IFNAR2: variants seen among roughly 807,000 people sequenced by gnomAD.
The protein encoded by IFNAR2 is interferon alpha and beta receptor subunit 2.
IFNAR2 carries 30 observed loss-of-function variants against 49.4 expected under a neutral mutation model. The ratio of observed to expected loss-of-function variants is 0.61; its 90% CI spans 0.45 to 0.82. IFNAR2 has a LOEUF of 0.82. IFNAR2 is among the 40% of genes least tolerant of loss of function. The pLI is 0.00. For missense variants in IFNAR2, 600 were observed against 622.7 expected (o/e 0.96, Z 0.39); for synonymous variants, 224 against 234.5 (o/e 0.96, Z 0.41).
intron 3 of IFNAR2, 59 bp downstream of exon 3, chr21:33,243,773 C>A: frequency 8.7e-7 from 1 of 1,154,506 alleles, no homozygotes; most frequent in Non-Finnish European, 1.3e-6. Context: ...GTTGGGGCAA[C>A]CATTCAGAGG....
chr21:33,244,883 G>C, intron 3 of IFNAR2, 68 bp from the exon 4 acceptor site: 1 of 1,538,684 alleles, frequency 6.5e-7, no homozygotes, highest in Non-Finnish European at 9.0e-7. Flanking sequence ...CCCAAGAAAT[G>C]ACTGAACAGT....
chr21:33,244,845 T>C (rs1308509864), intron 3 of IFNAR2, 106 bp from the exon 4 acceptor site: 1 of 1,043,694 alleles, frequency 9.6e-7, no homozygotes, highest in African/African-American at 1.6e-5. Flanking sequence ...TCTGGAGAGG[T>C]TATCTGCCAG....
At chr21:33,235,865 G>T (rs937065294) in intron 1 of IFNAR2, among the ~76,000 whole-genome samples, 4 of 152,270 alleles carry the variant, frequency 2.6e-5, no homozygotes, top group Non-Finnish European at 5.9e-5. Context: ...GGCGGAGCTT[G>T]CAGTGAGCCA....
chr21:33,229,957 G>A lies in IFNAR2; in HGVS notation c.-343G>A. 1.0e-6 allele frequency: 1 copy of A among 983,930 alleles called. No homozygotes were observed. The highest frequency in any genetic ancestry group is 1.2e-6 in the Non-Finnish European group (1 of 829,436). 60.9% of individuals were successfully genotyped at this position (983,930 alleles called of 1,614,324 possible). A position where few individuals can be genotyped will look rare whatever the true frequency, so the allele number is the denominator to read the frequency against. On this transcript the variant is annotated 5_prime_UTR_variant, in exon 1 of 9. Transcript: ENST00000342136. Reference sequence around the variant, plus strand: ...GCTTCCGTATCGCTCCTCGTAGGCCGGGGCTCGGCGCGCGCACCCGCACTA... The same window carrying A: ...GCTTCCGTATCGCTCCTCGTAGGCCAGGGCTCGGCGCGCGCACCCGCACTA...
At chr21:33,253,301 T>G (rs1987989007) in intron 7 of IFNAR2, among the ~76,000 whole-genome samples, 1 of 152,238 alleles carries the variant, frequency 6.6e-6, no homozygotes, top group Middle Eastern at 3.4e-3. Flanking sequence ...TACGAGAAAA[T>G]CACTGATGAA....
chr21:33,258,488 C>T (rs1988360026), intron 7 of IFNAR2, among the ~76,000 whole-genome samples: 1 of 152,202 alleles, frequency 6.6e-6, no homozygotes, highest in Non-Finnish European at 1.5e-5. Context: ...GTCCTGCCAA[C>T]ATCTTGATAT....
chr21:33,245,564 A>G (rs910167496), intron 4 of IFNAR2, among the ~76,000 whole-genome samples: 2 of 152,250 alleles, frequency 1.3e-5, no homozygotes, highest in African/African-American at 4.8e-5. Context: ...GTCACTAACC[A>G]GCTTGACACT....
At chr21:33,231,073 T>TC in intron 1 of IFNAR2, among the ~76,000 whole-genome samples, 1 of 152,224 alleles carries the variant, frequency 6.6e-6, no homozygotes, top group East Asian at 1.9e-4. Flanking sequence ...TGCTTGGGCG[T>TC]TGATTCAGTG....
At chr21:33,256,992 T>C (rs1988250100) in intron 7 of IFNAR2, among the ~76,000 whole-genome samples, 1 of 152,154 alleles carries the variant, frequency 6.6e-6, no homozygotes, top group South Asian at 2.1e-4. Flanking sequence ...GAATTCATAT[T>C]CAAGTGTGAT....
chr21:33,232,229 C>T (rs971775642), intron 1 of IFNAR2, among the ~76,000 whole-genome samples: 1 of 152,096 alleles, frequency 6.6e-6, no homozygotes, highest in African/African-American at 2.4e-5. Context: ...TGAGTTAGAG[C>T]AGAGCTTGAC....
rs1342911212 is a variant in IFNAR2, at chr21:33,263,089, G to A, written c.1137G>A (p.Thr379=). ...CTGAGGTTGATGTGGAGCTCCCCAC[G>A]ATGCCAAAGGACAGCCCTCAGCAGT... ...DLPEVDVELP[T]MPKDSPQQLE... The change falls in exon 9 of 9, where the codon ACG becomes ACA. Residue 379 remains threonine (T), a synonymous_variant. Transcript: ENST00000342136. The A allele has an allele frequency of 4.3e-6, 7 of 1,614,016 alleles. No individual in the cohort carries two copies. Among genetic ancestry groups the A allele is most frequent in the East Asian group, 2.2e-5 (1 of 44,898 alleles).
At position 33,244,943 on chromosome 21, in the gene IFNAR2, C is replaced by T. The variant is rs764125585; in HGVS notation, c.98-8C>T. ...AAATTTCAATGCCCTTTTTCTTCTT[C>T]TCTTTAGATTACACAGATGAATCTT... is the stretch of plus-strand genomic sequence containing the variant. On this transcript the variant is annotated splice_region_variant and splice_polypyrimidine_tract_variant and intron_variant, in intron 3 of 8. Coordinates refer to ENST00000342136, the MANE Select transcript of IFNAR2 (RefSeq NM_001289125.3). 8.1e-6 allele frequency: 13 copies of T among 1,610,106 alleles called. No homozygotes were observed. The highest frequency in any genetic ancestry group is 1.1e-5 in the Non-Finnish European group (13 of 1,177,336).
At chr21:33,260,467 A>T (rs1988486864) in intron 7 of IFNAR2, 130 bp from the exon 8 acceptor site, 1 of 730,374 alleles carries the variant, frequency 1.4e-6, no homozygotes, top group Non-Finnish European at 2.1e-6. Flanking sequence ...GTATTTCTCA[A>T]TATAAAACTG....
At chr21:33,235,799 G>A (rs17860143) in intron 1 of IFNAR2, among the ~76,000 whole-genome samples, 15,556 of 152,054 alleles carry the variant, frequency 0.1, 862 homozygotes, top group African/African-American at 0.13. Context: ...GGTGGCGGGC[G>A]CCTGTAGTCC....
chr21:33,257,831 G>A (rs1262267968), intron 7 of IFNAR2, among the ~76,000 whole-genome samples: 4 of 152,108 alleles, frequency 2.6e-5, no homozygotes, highest in Non-Finnish European at 5.9e-5. Flanking sequence ...ACATGGGCAG[G>A]CCACCCACAG....
chr21:33,240,963 T>C (rs1456150098), intron 1 of IFNAR2, among the ~76,000 whole-genome samples: 1 of 152,194 alleles, frequency 6.6e-6, no homozygotes, highest in South Asian at 2.1e-4. Flanking sequence ...CATGTTCTTA[T>C]AAGTGGGAGC....
intron 3 of IFNAR2, 113 bp downstream of exon 3, chr21:33,243,827 C>T: frequency 2.4e-6 from 2 of 829,632 alleles, no homozygotes; most frequent in Admixed American, 1.8e-5. Context: ...CATCTGTTGC[C>T]TGTTTTATTG....
In IFNAR2 at chr21:33,230,173, C is replaced by G; in HGVS notation, c.-127C>G. 1 of 1,005,522 alleles carries G rather than the reference C, an allele frequency of 9.9e-7. No homozygotes were observed. Among genetic ancestry groups the G allele is most frequent in the Non-Finnish European group, 1.2e-6 (1 of 840,646 alleles). 62.3% of individuals were successfully genotyped at this position (1,005,522 alleles called of 1,614,324 possible). ...CCCAGAGCCGGGCGCGGCTGGGGCCCGAGGCTAGCATCTCTCGGGAGCCGC... is the reference window on the plus strand; with the variant it reads ...CCCAGAGCCGGGCGCGGCTGGGGCCGGAGGCTAGCATCTCTCGGGAGCCGC... On this transcript the variant is annotated 5_prime_UTR_variant, in exon 1 of 9. Transcript: ENST00000342136. This position sits in a 1 kb window ranked among gnomAD's most constrained non-coding sequence, Gnocchi z 5.5.
At position 33,248,805 on chromosome 21, in the gene IFNAR2, T is replaced by A; in HGVS notation, c.491T>A (p.Phe164Tyr). 6.2e-7 allele frequency: 1 copy of A among 1,610,758 alleles called. No homozygotes were observed. Among genetic ancestry groups the A allele is most frequent in the Non-Finnish European group, 8.5e-7 (1 of 1,178,634 alleles). Residue 164 changes from phenylalanine (F) to tyrosine (Y), a missense_variant, in exon 6 of 9, where the codon TTT becomes TAT. By Grantham distance (22) the Phe-to-Tyr change is conservative. Coordinates refer to ENST00000342136, the MANE Select transcript of IFNAR2 (RefSeq NM_001289125.3). ...TCTATTGTTGAGGAAGAATTACAGTTTGATTTATCTCTCGTCATTGAAGAA... is the reference window on the plus strand; with the variant it reads ...TCTATTGTTGAGGAAGAATTACAGTATGATTTATCTCTCGTCATTGAAGAA... ...FPSIVEEELQFDLSLVIEEQS... is the reference protein window; with the variant it reads ...FPSIVEEELQYDLSLVIEEQS...
Sources: gnomAD v4.1 joint callset for allele counts (sites outside exome capture counted in the v4.1 genomes callset) on GRCh38, gnomAD v4.1.1 for gene constraint, Gnocchi (gnomAD v3.1) non-coding constraint, MANE v1.5 for transcripts, NCBI Gene and HGNC (gene_info 2026-07-23, HGNC 2026-07-21) for gene names.